ROBO2: variants seen among roughly 807,000 people sequenced by gnomAD.
ROBO2 encodes the protein roundabout guidance receptor 2, also known as roundabout homolog 2.
A neutral mutation model predicts 160.8 loss-of-function variants in ROBO2; 53 were observed. The ratio of observed to expected loss-of-function variants is 0.33; its 90% confidence interval spans 0.26 to 0.41. The LOEUF (loss-of-function observed/expected upper bound fraction) is 0.41. ROBO2 is among the 10% of genes least tolerant of loss of function. The pLI, the probability that ROBO2 is intolerant of heterozygous loss-of-function variation, is 1.00. For missense variants in ROBO2, 1,577 were observed against 1,722.4 expected, an observed-to-expected ratio of 0.92 and a Z score of 1.49; for synonymous variants, 664 against 611.7, an observed-to-expected ratio of 1.09 and a Z score of -1.26.
intron 2 of ROBO2, among the ~76,000 whole-genome samples, chr3:77,034,300 C>G (rs1267349184): frequency 1.3e-5 from 2 of 149,370 alleles, no homozygotes; most frequent in Non-Finnish European, 3.0e-5. Flanking sequence ...ATTTACATCT[C>G]TAATTTGAGC....
chr3:76,827,463 G>A (rs1336919575), intron 2 of ROBO2, among the ~76,000 whole-genome samples: 1 of 152,092 alleles, frequency 6.6e-6, no homozygotes, highest in African/African-American at 2.4e-5. Flanking sequence ...CTTAAATAGA[G>A]TTGTATCCAA....
chr3:76,611,204 G>A lies in ROBO2; in HGVS notation c.110-486810G>A, dbSNP rs9852347. Among the ~76,000 whole-genome samples the A allele has an allele frequency of 9.6e-3, 1,467 of 152,218 alleles. 17 individuals carry two copies. Among genetic ancestry groups the A allele is most frequent in the African/African-American group, 0.034 (1,416 of 41,526 alleles). ...GCACTCCATCTGGAACTGGCAGATG[G>A]GTTTTCAGGCTGTAAACTGTCTTTT... On this transcript the variant is annotated intron_variant, in intron 2 of 26. Coordinates refer to the ROBO2 transcript ENST00000487694.
chr3:76,102,985 G>T (rs1398086795), intron 2 of ROBO2, among the ~76,000 whole-genome samples: 1 of 152,020 alleles, frequency 6.6e-6, no homozygotes. Context: ...CACCACGCCT[G>T]GATAATTTTT....
At chr3:76,267,271 A>AT (rs1325417242) in intron 2 of ROBO2, among the ~76,000 whole-genome samples, 2 of 151,654 alleles carry the variant, frequency 1.3e-5, no homozygotes, top group East Asian at 3.9e-4. Context: ...AAATAGATTT[A>AT]TTTTTTTAAG....
chr3:77,017,330 AAAAG>A (rs765543338), intron 2 of ROBO2, among the ~76,000 whole-genome samples: 1 of 152,210 alleles, frequency 6.6e-6, no homozygotes, highest in Non-Finnish European at 1.5e-5. Context: ...CTTCTTCTGT[AAAAG>A]AAAGACAAAG....
chr3:77,278,544 T>C (rs2153367889), intron 2 of ROBO2, among the ~76,000 whole-genome samples: 1 of 152,296 alleles, frequency 6.6e-6, no homozygotes, highest in Admixed American at 6.5e-5. Flanking sequence ...TAAATGCTTA[T>C]TAGAATCCAG....
chr3:76,744,049 C>T (rs2093845207), intron 2 of ROBO2, among the ~76,000 whole-genome samples: 1 of 151,988 alleles, frequency 6.6e-6, no homozygotes, highest in Admixed American at 6.6e-5. Flanking sequence ...TCACATACAA[C>T]AATATGAAAA....
intron 2 of ROBO2, among the ~76,000 whole-genome samples, chr3:77,217,873 G>A (rs893494376): frequency 3.3e-5 from 5 of 152,072 alleles, no homozygotes; most frequent in Admixed American, 1.3e-4. Flanking sequence ...CATAAACAAG[G>A]ACAAAAGAAC....
At chr3:76,345,273 G>C (rs1559798119) in intron 2 of ROBO2, among the ~76,000 whole-genome samples, 1 of 152,070 alleles carries the variant, frequency 6.6e-6, no homozygotes, top group Admixed American at 6.6e-5. Context: ...AAAGGCCTCT[G>C]TGAGGTCCAG....
intron 2 of ROBO2, among the ~76,000 whole-genome samples, chr3:76,233,514 G>A (rs181161078): frequency 5.5e-4 from 83 of 152,216 alleles, no homozygotes; most frequent in South Asian, 2.1e-3. Context: ...CTGGAATATA[G>A]CATTTACTGC....
At chr3:77,621,566 T>A (rs905591285) in intron 22 of ROBO2, among the ~76,000 whole-genome samples, 3 of 152,206 alleles carry the variant, frequency 2.0e-5, no homozygotes, top group African/African-American at 7.2e-5. Flanking sequence ...ACACAGAGAA[T>A]CCTTAGATGA....
chr3:77,189,976 A>G (rs1277033306), intron 2 of ROBO2, among the ~76,000 whole-genome samples: 2 of 151,966 alleles, frequency 1.3e-5, no homozygotes, highest in Non-Finnish European at 2.9e-5. Flanking sequence ...ACTAAATTCA[A>G]TTGGCTTAGG....
chr3:76,655,639 T>G (rs566698087), intron 2 of ROBO2, among the ~76,000 whole-genome samples: 3 of 140,860 alleles, frequency 2.1e-5, no homozygotes, highest in South Asian at 4.6e-4. Context: ...TTATTAAAAA[T>G]TAATGAAAAA....
exon 15 of ROBO2, chr3:77,577,602 C>A: frequency 1.2e-6 from 2 of 1,613,234 alleles, no homozygotes; most frequent in Non-Finnish European, 1.7e-6. Context: ...ATGGAATTAT[C>A]CAAGAATACA....
rs1023749420 is a variant in ROBO2, at chr3:77,619,777, A to T, written c.3554+2004A>T. On this transcript the variant is annotated intron_variant, in intron 22 of 25. Transcript: ENST00000461745. ...TAGGTAAGCAGAGAGACTTTTATCC[A>T]CAGGACATTCTAAGGGCTTACAGAT... Among the ~76,000 whole-genome samples, 3 of 152,174 alleles carry T rather than the reference A, an allele frequency of 2.0e-5. No homozygotes were observed. In the East Asian group the frequency reaches 5.8e-4, roughly 29 times the overall value.
At chr3:76,460,793 A>G (rs948230632) in intron 2 of ROBO2, among the ~76,000 whole-genome samples, 13 of 152,158 alleles carry the variant, frequency 8.5e-5, no homozygotes, top group African/African-American at 2.9e-4. Context: ...GAGAGAATAC[A>G]TGTTTACTGT....
chr3:75,955,488 T>G (rs1948688091), intron 2 of ROBO2, among the ~76,000 whole-genome samples: 2 of 151,356 alleles, frequency 1.3e-5, no homozygotes, highest in African/African-American at 2.4e-5. Context: ...AAAGATAATG[T>G]TTAGGGGGGA....
intron 2 of ROBO2, among the ~76,000 whole-genome samples, chr3:76,847,093 G>A (rs1354878132): frequency 6.6e-6 from 1 of 152,070 alleles, no homozygotes; most frequent in Non-Finnish European, 1.5e-5. Context: ...ATTTGCTACT[G>A]TCCAAGAGTT....
intron 2 of ROBO2, among the ~76,000 whole-genome samples, chr3:76,724,391 A>G (rs1233174994): frequency 1.3e-5 from 2 of 152,212 alleles, no homozygotes; most frequent in Non-Finnish European, 1.5e-5. Context: ...ATATCCAGCC[A>G]TCTCAGAACA....
Sources: allele counts gnomAD v4.1 joint callset (sites outside exome capture counted in the v4.1 genomes callset), GRCh38; gene constraint gnomAD v4.1.1; transcripts MANE v1.5; gene names NCBI Gene and HGNC (gene_info 2026-07-23, HGNC 2026-07-21).